Variants in PRELID2 observed in about 807,000 individuals in gnomAD.
PRELID2 encodes the protein PRELI domain-containing protein 2.
A neutral mutation model predicts 28.4 loss-of-function variants in PRELID2; 25 were observed. That is an observed-to-expected ratio of 0.88 (90% CI 0.64 to 1.23). The LOEUF is 1.23. Among genes scored for constraint, PRELID2 ranks in the 50% most tolerant of loss-of-function variants. The pLI is 0.00. For missense variants in PRELID2, 201 were observed against 214.4 expected, an observed-to-expected ratio of 0.94 and a Z score of 0.39; for synonymous variants, 76 against 71.6, an observed-to-expected ratio of 1.06 and a Z score of -0.31.
the PRELID2 span, among the ~76,000 whole-genome samples, chr5:145,355,627 T>C: frequency 6.6e-6 from 1 of 152,174 alleles, no homozygotes; most frequent in Non-Finnish European, 1.5e-5. Context: ...CCAAACATCC[T>C]ACCAAGGAGA....
At chr5:145,812,526 G>T (rs1221140296) in intron 4 of PRELID2, among the ~76,000 whole-genome samples, 6 of 152,152 alleles carry the variant, frequency 3.9e-5, no homozygotes, top group Non-Finnish European at 8.8e-5. Flanking sequence ...ACCTCACATG[G>T]TTATTATGAG....
intron 1 of PRELID2, chr5:145,704,175 T>C (rs969674151): frequency 6.6e-6 from 1 of 152,144 alleles, no homozygotes; most frequent in Non-Finnish European, 1.5e-5. Context: ...CCAGCCCAGA[T>C]TGGCATGTGG....
chr5:145,779,792 T>C (rs1357951907), intron 5 of PRELID2, among the ~76,000 whole-genome samples: 1 of 152,206 alleles, frequency 6.6e-6, no homozygotes, highest in Non-Finnish European at 1.5e-5. Context: ...AGTTCATCCA[T>C]ACTCTATGAG....
chr5:145,291,136 A>G, the PRELID2 span, among the ~76,000 whole-genome samples: 332 of 151,776 alleles, frequency 2.2e-3, 2 homozygotes, highest in African/African-American at 7.7e-3. Flanking sequence ...TCAAGAGATC[A>G]AGACCATCCT....
At chr5:145,534,743 G>A (rs1752684977) in intron 1 of PRELID2, among the ~76,000 whole-genome samples, 1 of 151,694 alleles carries the variant, frequency 6.6e-6, no homozygotes, top group African/African-American at 2.4e-5. Flanking sequence ...TCACAGTGTT[G>A]GGAAAACCAA....
rs891423198 is a variant in PRELID2 at position 145,619,438 on chromosome 5, G to C, written n.70+145493C>G. ...CTAAATTGACTCAGCTCCAGCTAAG[G>C]TCAGAATCTTCTCCTGCAAACTAGA... On this transcript the variant is annotated intron_variant and non_coding_transcript_variant, in intron 1 of 2. Transcript: ENST00000510259. Among the ~76,000 whole-genome samples, 5 of 152,220 alleles carry C rather than the reference G, an allele frequency of 3.3e-5. No individual in the cohort carries two copies. In the South Asian group the frequency reaches 6.2e-4, roughly 19 times the overall value.
At chr5:145,670,727 T>G (rs1754689220) in intron 1 of PRELID2, among the ~76,000 whole-genome samples, 1 of 152,156 alleles carries the variant, frequency 6.6e-6, no homozygotes, top group South Asian at 2.1e-4. Context: ...TCTCTCTGTC[T>G]TTTTTGGCTC....
At chr5:145,245,150 T>C in the PRELID2 span, among the ~76,000 whole-genome samples, 4 of 152,114 alleles carry the variant, frequency 2.6e-5, no homozygotes, top group African/African-American at 7.2e-5. Flanking sequence ...GATACTAATA[T>C]GTCCTGTAAT....
the PRELID2 span, among the ~76,000 whole-genome samples, chr5:145,436,812 C>T: frequency 6.6e-6 from 1 of 152,108 alleles, no homozygotes; most frequent in Admixed American, 6.6e-5. Context: ...GGCATTTCCT[C>T]CTTCTTCCTA....
chr5:145,821,353 G>A lies in PRELID2; in HGVS notation c.134-1335C>T, dbSNP rs182380860. 7.1e-4 allele frequency among the ~76,000 whole-genome samples: 107 copies of A among 150,542 alleles called. No individual in the cohort carries two copies. In the East Asian group the frequency reaches 0.017, roughly 24 times the overall value. On this transcript the variant is annotated intron_variant, in intron 2 of 6. Transcript: ENST00000683046. ...TCTGTGTATGTGTGTGTAAGCCCTC[G>A]TGTTTGTGTGTGTGTGTGTAAGCCC...
chr5:145,455,306 G>C, the PRELID2 span, among the ~76,000 whole-genome samples: 126 of 152,164 alleles, frequency 8.3e-4, no homozygotes, highest in African/African-American at 2.9e-3. Flanking sequence ...CTGTTCCATT[G>C]CTCTATATAT....
chr5:145,788,281 T>G (rs17103751), intron 5 of PRELID2, among the ~76,000 whole-genome samples: 4,853 of 152,326 alleles, frequency 0.032, 227 homozygotes, highest in African/African-American at 0.11. Context: ...CAAGGCCTAT[T>G]AAAAGCTAAC....
At chr5:145,269,175 T>A in the PRELID2 span, among the ~76,000 whole-genome samples, 1 of 152,138 alleles carries the variant, frequency 6.6e-6, no homozygotes, top group African/African-American at 2.4e-5. Context: ...ACAAGCTGAC[T>A]GTAGAATTCA....
the PRELID2 span, among the ~76,000 whole-genome samples, chr5:145,238,434 TCC>T: frequency 6.6e-6 from 1 of 152,050 alleles, no homozygotes; most frequent in Admixed American, 6.6e-5. Context: ...GTTCTATGAC[TCC>T]CCCACAGAAT....
At chr5:145,311,939 T>C in the PRELID2 span, among the ~76,000 whole-genome samples, 4 of 152,206 alleles carry the variant, frequency 2.6e-5, no homozygotes, top group Admixed American at 6.5e-5. Flanking sequence ...TGTATATTCA[T>C]GGTGTACAAC....
the PRELID2 span, among the ~76,000 whole-genome samples, chr5:145,299,845 G>T: frequency 6.6e-6 from 1 of 152,110 alleles, no homozygotes; most frequent in South Asian, 2.1e-4. Flanking sequence ...TCTATAAAGA[G>T]AAAGGCTCTC....
chr5:145,250,149 C>T, the PRELID2 span, among the ~76,000 whole-genome samples: 2 of 151,952 alleles, frequency 1.3e-5, no homozygotes, highest in African/African-American at 4.8e-5. Context: ...AGGGGAGAAA[C>T]CATTACTCTT....
At chr5:145,583,358 G>A (rs1753124659) in intron 1 of PRELID2, among the ~76,000 whole-genome samples, 1 of 152,072 alleles carries the variant, frequency 6.6e-6, no homozygotes, top group Non-Finnish European at 1.5e-5. Context: ...AAAACTTGGA[G>A]CATTCCCCTT....
chr5:145,463,483 G>A, the PRELID2 span, among the ~76,000 whole-genome samples: 1 of 151,632 alleles, frequency 6.6e-6, no homozygotes, highest in Admixed American at 6.6e-5. Flanking sequence ...CTTTTGCATA[G>A]TTTTCAGTTT....
Sources: allele counts gnomAD v4.1 joint callset (sites outside exome capture counted in the v4.1 genomes callset), GRCh38; gene constraint gnomAD v4.1.1; transcripts MANE v1.5; gene names NCBI Gene and HGNC (gene_info 2026-07-23, HGNC 2026-07-21).